Variants in CSF1R observed in about 807,000 individuals in gnomAD.
CSF1R encodes the protein colony stimulating factor 1 receptor, also known as macrophage colony-stimulating factor 1 receptor.
Under a neutral mutation model 110.0 loss-of-function variants are expected in CSF1R, and 40 were observed. That is an observed-to-expected ratio of 0.36 (90% CI 0.28 to 0.47). CSF1R has a LOEUF of 0.47. CSF1R is among the 20% of genes least tolerant of loss of function. The pLI, the probability that CSF1R is intolerant of heterozygous loss-of-function variation, is 0.99. For synonymous variants in CSF1R, 523 were observed against 503.4 expected, an observed-to-expected ratio of 1.04 and a Z score of -0.52; for missense variants, 1,052 against 1,253.0, an observed-to-expected ratio of 0.84 and a Z score of 2.42.
At chr5:150,076,003 G>A (rs1412189306) in intron 5 of CSF1R, among the ~76,000 whole-genome samples, 1 of 152,186 alleles carries the variant, frequency 6.6e-6, no homozygotes, top group Non-Finnish European at 1.5e-5. Flanking sequence ...AACACATGAG[G>A]CACGGCCAGA....
At chr5:150,080,393 T>C in intron 2 of CSF1R, 57 bp from the exon 3 acceptor site, 2 of 1,571,788 alleles carry the variant, frequency 1.3e-6, no homozygotes, top group Non-Finnish European at 1.7e-6. Flanking sequence ...GGCCAAGGAG[T>C]ACCTGGACAT....
chr5:150,068,393 C>T, intron 9 of CSF1R, 63 bp from the exon 10 acceptor site: 1 of 1,132,856 alleles, frequency 8.8e-7, no homozygotes. Flanking sequence ...TGAGGTCAGG[C>T]CTGCACACTG....
rs143060398 is a variant in CSF1R, at chr5:150,068,722, C to G, written c.1511-392G>C. ...TCGTTCAGAAAGGCCTTCTGGAGGTCACACTGCAACCTTCCTCTCCTGCAT... is the reference window on the plus strand; with the variant it reads ...TCGTTCAGAAAGGCCTTCTGGAGGTGACACTGCAACCTTCCTCTCCTGCAT... On this transcript the variant is annotated intron_variant, in intron 9 of 20. Coordinates refer to ENST00000675795, the MANE Select transcript of CSF1R (RefSeq NM_001288705.3). 1.6e-3 allele frequency among the ~76,000 whole-genome samples: 237 copies of G among 152,288 alleles called. 1 individual carries two copies. The highest frequency in any genetic ancestry group is 4.8e-3 in the African/African-American group (200 of 41,560).
chr5:150,097,310 A>AAAGGGG (rs58536408), intron 1 of CSF1R, among the ~76,000 whole-genome samples: 87,664 of 143,494 alleles, frequency 0.61, 27,278 homozygotes, highest in African/African-American at 0.69. Flanking sequence ...AGGGAAAGGG[A>AAAGGGG]AAGGGGAAGG....
chr5:150,068,822 C>T (rs1383997518), intron 9 of CSF1R, among the ~76,000 whole-genome samples: 1 of 152,096 alleles, frequency 6.6e-6, no homozygotes, highest in African/African-American at 2.4e-5. Flanking sequence ...GGCTTGTGGC[C>T]CCTGAGTCTC....
chr5:150,094,699 T>C (rs1276526380), intron 1 of CSF1R: 1 of 1,602,092 alleles, frequency 6.2e-7, no homozygotes, highest in East Asian at 2.2e-5. Context: ...ATTAACATGC[T>C]GAGGATTGTA....
At chr5:150,100,685 C>T (rs759373502) in intron 1 of CSF1R, among the ~76,000 whole-genome samples, 5 of 151,922 alleles carry the variant, frequency 3.3e-5, no homozygotes, top group African/African-American at 4.8e-5. Context: ...CTTAGATTGA[C>T]GAAAATGCAA....
intron 6 of CSF1R, among the ~76,000 whole-genome samples, chr5:150,070,784 A>C (rs1422582025): frequency 6.6e-6 from 1 of 152,182 alleles, no homozygotes; most frequent in Admixed American, 6.5e-5. Context: ...TTCTTATCTG[A>C]AAGTGTTTTT....
At chr5:150,071,734 A>T (rs1376978706) in intron 6 of CSF1R, among the ~76,000 whole-genome samples, 1 of 152,112 alleles carries the variant, frequency 6.6e-6, no homozygotes, top group African/African-American at 2.4e-5. Context: ...TCTGTGGCTT[A>T]TGGACCCATT....
intron 9 of CSF1R, 148 bp downstream of exon 9, chr5:150,069,725 G>C: frequency 1.4e-6 from 1 of 718,216 alleles, no homozygotes; most frequent in Non-Finnish European, 2.2e-6. Context: ...GACTGGCCCA[G>C]AGAGGTGGAC....
upstream of CSF1R, among the ~76,000 whole-genome samples, chr5:150,087,951 G>T (rs1458930522): frequency 6.6e-6 from 1 of 152,074 alleles, no homozygotes; most frequent in African/African-American, 2.4e-5. Context: ...GTCCAGGCTG[G>T]TCTCAAACCC....
chr5:150,055,173 C>T (rs972477147), intron 19 of CSF1R, 64 bp downstream of exon 19: 28 of 1,435,042 alleles, frequency 2.0e-5, no homozygotes, highest in Admixed American at 1.2e-4. Flanking sequence ...GCCACACGGC[C>T]TTCCATCCCT....
At chr5:150,102,087 C>T (rs1253311589) in intron 1 of CSF1R, among the ~76,000 whole-genome samples, 1 of 152,190 alleles carries the variant, frequency 6.6e-6, no homozygotes, top group Non-Finnish European at 1.5e-5. Flanking sequence ...AAACAATGCT[C>T]AGTGGACATC....
chr5:150,061,919 C>T (rs1757551910), intron 10 of CSF1R, 70 bp from the exon 11 acceptor site: 3 of 1,605,804 alleles, frequency 1.9e-6, no homozygotes, highest in African/African-American at 1.3e-5. Context: ...TTTCTGACCC[C>T]CAAGAGCAGG....
At chr5:150,100,283 G>A (rs2113862107) in intron 1 of CSF1R, among the ~76,000 whole-genome samples, 1 of 136,110 alleles carries the variant, frequency 7.3e-6, no homozygotes, top group East Asian at 2.3e-4. Flanking sequence ...TAAGATCATT[G>A]GCTAACCTTT....
At position 150,069,980 on chromosome 5, in the gene CSF1R, A is replaced by G; in HGVS notation, c.1403T>C (p.Val468Ala). The part of the protein sequence containing the change: ...LSQEPFHKVT[V>A]QSLLTVETLE... ...GGTCTCAACAGTCAGCAGGCTCTGCACCGTCACCTTGTGGAAGGGCTCCTG... is the reference window on the plus strand; with the variant it reads ...GGTCTCAACAGTCAGCAGGCTCTGCGCCGTCACCTTGTGGAAGGGCTCCTG... Residue 468 changes from valine (V) to alanine (A), a missense_variant, in exon 9 of 21, where the codon GTG (valine) becomes GCG (alanine). This residue lies in a region of CSF1R where 693 missense variants were observed against 735.4 expected (regional missense o/e 0.94). Transcript: ENST00000675795. 1 of 1,614,116 alleles carries G rather than the reference A, an allele frequency of 6.2e-7. No homozygotes were observed. The highest frequency in any genetic ancestry group is 8.5e-7 in the Non-Finnish European group (1 of 1,180,010).
intron 1 of CSF1R, among the ~76,000 whole-genome samples, chr5:150,095,776 A>C (rs1326048451): frequency 1.3e-5 from 2 of 151,536 alleles, no homozygotes; most frequent in African/African-American, 2.4e-5. Flanking sequence ...AAAAAAAAAA[A>C]AAACAAGAAA....
rs1374533105 is a variant in CSF1R, at chr5:150,086,523, A to C, written c.-96T>G. 4 of 1,193,596 alleles carry C rather than the reference A, an allele frequency of 3.4e-6. No homozygotes were observed. The highest frequency in any genetic ancestry group is 4.9e-6 in the Non-Finnish European group (4 of 821,746). The allele number at this position is 1,193,596 out of a possible 1,614,324, so 73.9% of individuals were successfully genotyped here. A position where few individuals can be genotyped will look rare whatever the true frequency, so the allele number is the denominator to read the frequency against. Reference sequence around the variant, plus strand: ...AGCTCCGCAGGGATCGGGACACTGGACACACGTTCCTCTCCTCTGCACTGG... The same window carrying C: ...AGCTCCGCAGGGATCGGGACACTGGCCACACGTTCCTCTCCTCTGCACTGG... On this transcript the variant is annotated 5_prime_UTR_variant, in exon 1 of 21. Coordinates refer to ENST00000675795, the MANE Select transcript of CSF1R (RefSeq NM_001288705.3).
intron 1 of CSF1R, among the ~76,000 whole-genome samples, chr5:150,097,434 G>T (rs1004670369): frequency 6.6e-6 from 1 of 151,160 alleles, no homozygotes; most frequent in Non-Finnish European, 1.5e-5. Flanking sequence ...AAGAAAAGAA[G>T]AAGAAAGAAA....
Sources: gnomAD v4.1 joint callset for allele counts (sites outside exome capture counted in the v4.1 genomes callset) on GRCh38, gnomAD v4.1.1 for gene constraint, gnomAD v4.1.1 regional missense constraint, MANE v1.5 for transcripts, NCBI Gene and HGNC (gene_info 2026-07-23, HGNC 2026-07-21) for gene names.